Variants in GAREM1 observed in about 807,000 individuals in gnomAD.
GAREM1 encodes GRB2-associated and regulator of MAPK protein 1.
Under a neutral mutation model 71.3 loss-of-function variants are expected in GAREM1, and 26 were observed. The observed-to-expected ratio is 0.36, with a 90% CI of 0.27 to 0.51. The LOEUF (loss-of-function observed/expected upper bound fraction) is 0.51. GAREM1 is among the 20% of genes least tolerant of loss of function. GAREM1 has a pLI of 0.95. For missense variants in GAREM1, 1,026 were observed against 1,103.1 expected (o/e 0.93, Z 0.99); for synonymous variants, 440 against 433.2 (o/e 1.02, Z -0.20).
intron 4 of GAREM1, among the ~76,000 whole-genome samples, chr18:32,272,942 G>A (rs755880186): frequency 2.0e-5 from 3 of 152,210 alleles, no homozygotes; most frequent in Admixed American, 1.3e-4. Flanking sequence ...GGGCCACCCC[G>A]CTTTCTGGCT....
Position 32,396,309 on chromosome 18 carries a change from C to T in GAREM1, c.122-3274G>A, listed in dbSNP as rs534269653. 1.8e-4 allele frequency among the ~76,000 whole-genome samples: 28 copies of T among 152,188 alleles called. 1 individual carries two copies. In the South Asian group the frequency reaches 3.3e-3, roughly 18 times the overall value. On this transcript the variant is annotated intron_variant, in intron 1 of 5. Coordinates refer to ENST00000269209, the MANE Select transcript of GAREM1 (RefSeq NM_001242409.2). ...TCGCCAGCAATGGAACAAAGGTGGA[C>T]GAAGAATGACTTTGAAGAGAAGAAG...
chr18:32,298,563 CT>C (rs1182821004), intron 3 of GAREM1, among the ~76,000 whole-genome samples: 1 of 152,086 alleles, frequency 6.6e-6, no homozygotes, highest in Non-Finnish European at 1.5e-5. Flanking sequence ...CAGGGTTTTA[CT>C]TTTTACCGCT....
chr18:32,409,725 T>C (rs1197634133), intron 1 of GAREM1, among the ~76,000 whole-genome samples: 1 of 152,154 alleles, frequency 6.6e-6, no homozygotes, highest in African/African-American at 2.4e-5. Flanking sequence ...ATCTGAAATT[T>C]TACACCCTGA....
chr18:32,413,384 C>A lies in GAREM1; in HGVS notation c.122-20349G>T, dbSNP rs902288348. On this transcript the variant is annotated intron_variant, in intron 1 of 5. Coordinates refer to ENST00000269209, the MANE Select transcript of GAREM1 (RefSeq NM_001242409.2). ...CTCATACAAATGTCAATGCTGAAAA[C>A]CTAATGATGTTTCCATTATCAATAT... 3.1e-5 allele frequency: 19 copies of A among 622,420 alleles called. No homozygotes were observed. In the African/African-American group the frequency reaches 3.3e-4, roughly 11 times the overall value. 38.6% of individuals were successfully genotyped at this position (622,420 alleles called of 1,614,324 possible).
intron 4 of GAREM1, among the ~76,000 whole-genome samples, chr18:32,272,462 G>A (rs1474624338): frequency 6.6e-6 from 1 of 152,206 alleles, no homozygotes; most frequent in Non-Finnish European, 1.5e-5. Context: ...ATTCGGAGCA[G>A]CAGATTTCTT....
chr18:32,375,563 G>C (rs2048023520), intron 2 of GAREM1, among the ~76,000 whole-genome samples: 1 of 152,142 alleles, frequency 6.6e-6, no homozygotes, highest in South Asian at 2.1e-4. Context: ...CTGCCAACTG[G>C]AGTGACCTTT....
intron 1 of GAREM1, among the ~76,000 whole-genome samples, chr18:32,460,696 T>C (rs1369573549): frequency 6.6e-6 from 1 of 152,212 alleles, no homozygotes; most frequent in Non-Finnish European, 1.5e-5. Context: ...GTGGCTTGTT[T>C]GCTTAGAAGT....
chr18:32,460,974 A>G (rs2048949905), intron 1 of GAREM1, among the ~76,000 whole-genome samples: 1 of 152,186 alleles, frequency 6.6e-6, no homozygotes, highest in South Asian at 2.1e-4. Context: ...TTCCAGAAAT[A>G]CTTTATTTAG....
intron 1 of GAREM1, among the ~76,000 whole-genome samples, chr18:32,468,007 T>C (rs758065493): frequency 6.6e-6 from 1 of 152,178 alleles, no homozygotes; most frequent in Non-Finnish European, 1.5e-5. Context: ...CCAATCAAAT[T>C]AGAAGAGAAT....
intron 2 of GAREM1, among the ~76,000 whole-genome samples, chr18:32,348,369 G>A (rs558677802): frequency 3.0e-4 from 45 of 152,230 alleles, no homozygotes; most frequent in African/African-American, 1.0e-3. Flanking sequence ...ATTATTATAA[G>A]AGAAATGAAA....
intron 3 of GAREM1, among the ~76,000 whole-genome samples, chr18:32,307,611 C>T (rs1171855795): frequency 6.6e-6 from 1 of 152,152 alleles, no homozygotes; most frequent in African/African-American, 2.4e-5. Context: ...CAACCTCTGC[C>T]TCCTGGGTTC....
At chr18:32,454,169 C>T (rs2048867214) in intron 1 of GAREM1, among the ~76,000 whole-genome samples, 3 of 151,926 alleles carry the variant, frequency 2.0e-5, no homozygotes, top group Non-Finnish European at 4.4e-5. Context: ...TTATCTCCCA[C>T]CCTGTATTGG....
intron 1 of GAREM1, among the ~76,000 whole-genome samples, chr18:32,402,414 T>TA (rs1203152447): frequency 2.6e-5 from 4 of 151,876 alleles, no homozygotes; most frequent in African/African-American, 9.7e-5. Context: ...TTAGTCTGCT[T>TA]AAAAAAAAGG....
chr18:32,267,710 C>A lies in GAREM1; in HGVS notation c.*161G>T. ...GCATTTTTATTGATGTACAAAATAG[C>A]CTGTTCACCATTCAAAAACGTAATC... On this transcript the variant is annotated 3_prime_UTR_variant, in exon 6 of 6. Coordinates refer to ENST00000269209, the MANE Select transcript of GAREM1 (RefSeq NM_001242409.2). 1.7e-6 allele frequency: 1 copy of A among 602,994 alleles called. No homozygotes were observed. The highest frequency in any genetic ancestry group is 2.9e-6 in the Non-Finnish European group (1 of 344,188). 37.4% of individuals were successfully genotyped at this position (602,994 alleles called of 1,614,324 possible).
intron 2 of GAREM1, among the ~76,000 whole-genome samples, chr18:32,343,241 T>G (rs1481363298): frequency 6.7e-6 from 1 of 149,424 alleles, no homozygotes; most frequent in Non-Finnish European, 1.5e-5. Flanking sequence ...GGAAAGCGGG[T>G]GGAGAAAAAG....
intron 1 of GAREM1, among the ~76,000 whole-genome samples, chr18:32,403,544 C>T (rs1305874250): frequency 1.3e-5 from 2 of 152,128 alleles, no homozygotes; most frequent in Admixed American, 6.6e-5. Flanking sequence ...AACTCAAGTG[C>T]TACCTTTGTG....
chr18:32,382,590 T>A (rs946463289), intron 2 of GAREM1, among the ~76,000 whole-genome samples: 2 of 152,148 alleles, frequency 1.3e-5, no homozygotes, highest in Admixed American at 6.5e-5. Flanking sequence ...CCAGAGTTTA[T>A]ACTCACGTGG....
rs889725047 is a variant in GAREM1 at position 32,433,391 on chromosome 18, C to T, written c.121+36917G>A. On this transcript the variant is annotated intron_variant, in intron 1 of 5. Coordinates refer to ENST00000269209, the MANE Select transcript of GAREM1 (RefSeq NM_001242409.2). The stretch of plus-strand genomic sequence containing the variant: ...ATCAAGAACGAGGAAAGGATACCCA[C>T]TCTTACCACTCTTATTCAACATAAT... 7.3e-5 allele frequency among the ~76,000 whole-genome samples: 11 copies of T among 151,518 alleles called. No homozygotes were observed. In the East Asian group the frequency reaches 2.1e-3, roughly 29 times the overall value.
chr18:32,272,372 C>T (rs1280124844), intron 4 of GAREM1, among the ~76,000 whole-genome samples: 1 of 152,230 alleles, frequency 6.6e-6, no homozygotes, highest in East Asian at 1.9e-4. Context: ...GCAGGACCCA[C>T]AGCCCTGGTT....
Sources: gnomAD v4.1 joint callset for allele counts (sites outside exome capture counted in the v4.1 genomes callset) on GRCh38, gnomAD v4.1.1 for gene constraint, MANE v1.5 for transcripts, NCBI Gene and HGNC (gene_info 2026-07-23, HGNC 2026-07-21) for gene names.